The following DOCK2 variants were observed in gnomAD, a reference collection of about 807,000 sequenced individuals.
The protein encoded by DOCK2 is dedicator of cytokinesis protein 2.
In DOCK2, 87 loss-of-function variants were observed where a neutral mutation model predicts 248.9. The ratio of observed to expected loss-of-function variants is 0.35; its 90% CI spans 0.29 to 0.42. The LOEUF is 0.42. Ranked by LOEUF, DOCK2 falls within the 10% of genes least tolerant of loss-of-function variation. The pLI, the probability that DOCK2 is intolerant of heterozygous loss-of-function variation, is 1.00. For synonymous variants in DOCK2, 805 were observed against 821.6 expected (o/e 0.98, Z 0.35); for missense variants, 1,747 against 2,300.2 (o/e 0.76, Z 4.92).
intron 27 of DOCK2, among the ~76,000 whole-genome samples, chr5:169,899,418 C>T (rs1773794324): frequency 6.6e-6 from 1 of 152,138 alleles, no homozygotes; most frequent in Non-Finnish European, 1.5e-5. Flanking sequence ...GCCTGCCTAC[C>T]ACCTACCTAT....
chr5:169,992,520 A>G (rs1364123049), intron 29 of DOCK2, among the ~76,000 whole-genome samples: 1 of 152,240 alleles, frequency 6.6e-6, no homozygotes, highest in African/African-American at 2.4e-5. Flanking sequence ...GCTAGAGTGC[A>G]GTGGTGTGAT....
intron 13 of DOCK2, among the ~76,000 whole-genome samples, chr5:169,701,851 G>T (rs551035105): frequency 7.6e-4 from 116 of 152,248 alleles, no homozygotes; most frequent in Non-Finnish European, 1.4e-3. Flanking sequence ...CCTTCCTGAA[G>T]ATCCTCTGCA....
At chr5:170,015,183 A>G (rs1755473051) in intron 32 of DOCK2, among the ~76,000 whole-genome samples, 1 of 152,232 alleles carries the variant, frequency 6.6e-6, no homozygotes, top group Non-Finnish European at 1.5e-5. Context: ...CAGCAACAGC[A>G]TCAACACTTC....
Position 169,803,086 on chromosome 5 carries a change from C to T in DOCK2, c.2583C>T (p.Ile861=), listed in dbSNP as rs1561711233. Residue 861 remains isoleucine, a synonymous_variant, in exon 26 of 52, where the codon ATC becomes ATT. Coordinates refer to ENST00000520908, the MANE Select transcript of DOCK2 (RefSeq NM_004946.3). ...QECRDILLPV[I]TKELKELLEQ... is the part of the protein sequence containing the mutation. ...GCCGGGACATTCTGCTTCCTGTCAT[C>T]ACCAAAGAGCTGAAGGAGCTGCTGG... is the stretch of plus-strand genomic sequence containing the variant. 6.2e-7 allele frequency: 1 copy of T among 1,614,142 alleles called. No individual in the cohort carries two copies. Among genetic ancestry groups the T allele is most frequent in the Non-Finnish European group, 8.5e-7 (1 of 1,180,004 alleles).
At chr5:169,676,798 T>G (rs1759358196) in intron 6 of DOCK2, among the ~76,000 whole-genome samples, 1 of 152,164 alleles carries the variant, frequency 6.6e-6, no homozygotes, top group Non-Finnish European at 1.5e-5. Flanking sequence ...TTCCGTTCCT[T>G]CATTCAGATA....
At chr5:170,078,548 C>T (rs1757919961) in intron 48 of DOCK2, among the ~76,000 whole-genome samples, 1 of 152,332 alleles carries the variant, frequency 6.6e-6, no homozygotes, top group South Asian at 2.1e-4. Flanking sequence ...GACATCATCT[C>T]ATGGCCACTC....
chr5:169,760,079 A>G (rs1156441389), intron 24 of DOCK2, among the ~76,000 whole-genome samples: 4 of 152,190 alleles, frequency 2.6e-5, no homozygotes, highest in Non-Finnish European at 4.4e-5. Context: ...CCTGAAGGTT[A>G]TTTTGGGTTC....
At chr5:169,883,523 T>G (rs1170073082) in intron 27 of DOCK2, 1 of 1,551,646 alleles carries the variant, frequency 6.4e-7, no homozygotes, top group Non-Finnish European at 8.7e-7. Context: ...TGGGAGGCTG[T>G]TGGCATTTCC....
intron 27 of DOCK2, among the ~76,000 whole-genome samples, chr5:169,856,662 C>T (rs768187799): frequency 1.3e-5 from 2 of 152,196 alleles, no homozygotes; most frequent in Admixed American, 1.3e-4. Flanking sequence ...AACTTCTCAT[C>T]ACCTCCATCA....
chr5:169,767,951 C>G (rs1764884210), intron 25 of DOCK2, among the ~76,000 whole-genome samples: 1 of 152,140 alleles, frequency 6.6e-6, no homozygotes, highest in Admixed American at 6.6e-5. Flanking sequence ...AATTAATCTC[C>G]AAATCTCAGT....
intron 26 of DOCK2, among the ~76,000 whole-genome samples, chr5:169,804,440 G>A (rs1454491884): frequency 9.0e-5 from 2 of 22,340 alleles, no homozygotes; most frequent in African/African-American, 2.5e-4. Flanking sequence ...GCTACAAAGT[G>A]TGTGTGTGTG....
chr5:169,713,385 A>G (rs1561627292), intron 17 of DOCK2, among the ~76,000 whole-genome samples: 1 of 152,258 alleles, frequency 6.6e-6, no homozygotes, highest in Non-Finnish European at 1.5e-5. Flanking sequence ...GGTGCGGAGT[A>G]AGATAAATGT....
intron 22 of DOCK2, among the ~76,000 whole-genome samples, chr5:169,733,037 G>A (rs1191332510): frequency 1.3e-5 from 2 of 152,062 alleles, no homozygotes; most frequent in Non-Finnish European, 2.9e-5. Context: ...AATTATGTCT[G>A]TTATGAAGAG....
chr5:169,950,875 C>T (rs1167946187), intron 27 of DOCK2, among the ~76,000 whole-genome samples: 5 of 152,306 alleles, frequency 3.3e-5, no homozygotes, highest in East Asian at 1.9e-4. Context: ...TGGCAGCCCA[C>T]GGGGCAGATG....
At chr5:169,855,945 C>G (rs113894788) in intron 27 of DOCK2, among the ~76,000 whole-genome samples, 1,652 of 152,272 alleles carry the variant, frequency 0.011, 22 homozygotes, top group Admixed American at 0.015. Context: ...AACTTACAAT[C>G]ATGGCAGAAG....
chr5:169,774,893 T>TTTG (rs71575576), intron 25 of DOCK2, among the ~76,000 whole-genome samples: 51,785 of 150,740 alleles, frequency 0.34, 9,682 homozygotes, highest in African/African-American at 0.48. Context: ...ATGACTGTTT[T>TTTG]TTGTTGTTGT....
At chr5:170,011,340 A>G (rs985708846) in intron 32 of DOCK2, among the ~76,000 whole-genome samples, 2 of 152,236 alleles carry the variant, frequency 1.3e-5, no homozygotes, top group African/African-American at 4.8e-5. Flanking sequence ...GTACAAGATC[A>G]TGTAGTGGGT....
At chr5:169,801,146 GTTTTTTTTTTTT>G (rs60574755) in intron 25 of DOCK2, among the ~76,000 whole-genome samples, 9 of 76,050 alleles carry the variant, frequency 1.2e-4, no homozygotes, top group East Asian at 4.9e-4. Flanking sequence ...ATAGTTTTGG[GTTTTTTTTTTTT>G]TTTTTTTTTT....
rs1757761365 is a variant in DOCK2, at chr5:170,073,991, TTCG to T, written c.4729-1955_4729-1953del. On this transcript the variant is annotated intron_variant, in intron 46 of 51. Coordinates refer to ENST00000520908, the MANE Select transcript of DOCK2 (RefSeq NM_004946.3). ...ATTCCTTTTCTCCCTTTGAATTTAG[TTCG>T]CTGTTCTTTTACTAATATCTTGAGA... 7.2e-5 allele frequency among the ~76,000 whole-genome samples: 11 copies of T among 152,166 alleles called. No homozygotes were observed. In the South Asian group the frequency reaches 2.1e-3, roughly 29 times the overall value.
Sources: gnomAD v4.1 joint callset for allele counts (sites outside exome capture counted in the v4.1 genomes callset) on GRCh38, gnomAD v4.1.1 for gene constraint, MANE v1.5 for transcripts, NCBI Gene and HGNC (gene_info 2026-07-23, HGNC 2026-07-21) for gene names.